EMD: variants seen among roughly 807,000 people sequenced by gnomAD.
EMD encodes the protein LEM domain containing 5.
EMD carries 2 observed loss-of-function variants against 15.2 expected under a neutral mutation model. That is an observed-to-expected ratio of 0.13 (90% CI 0.05 to 0.41). The LOEUF (loss-of-function observed/expected upper bound fraction) is 0.41, where lower values mean the gene tolerates loss of function less well. Ranked by LOEUF, EMD falls within the 10% of genes least tolerant of loss-of-function variation. EMD has a pLI of 0.99. For missense variants in EMD, 224 were observed against 213.4 expected, an observed-to-expected ratio of 1.05 and a Z score of -0.31; for synonymous variants, 122 against 86.2, an observed-to-expected ratio of 1.42 and a Z score of -2.30.
intron 4 of EMD, 181 bp from the exon 5 acceptor site, chrX:154,380,572 G>A (rs911644494): frequency 3.6e-6 from 3 of 829,303 alleles, no homozygotes; most frequent in Admixed American, 2.7e-5. Flanking sequence ...TGGGGCATGA[G>A]CACAAGTGGC....
chrX:154,381,354 C>G lies in EMD; in HGVS notation c.*157C>G. On this transcript the variant is annotated 3_prime_UTR_variant, in exon 6 of 6. Transcript: ENST00000369842. ...TAGCCCAGAGTAGTGCTTGCTCCCC[C>G]TGCCTTGTCCCACCAGGGAGGCAGC... The G allele has an allele frequency of 2.9e-6, 2 of 680,712 alleles. No individual in the cohort carries two copies. The highest frequency in any genetic ancestry group is 3.0e-5 in the South Asian group (1 of 33,138). The allele number at this position is 680,712 out of a possible 1,213,427, so 56.1% of individuals were successfully genotyped here. A position where few individuals can be genotyped will look rare whatever the true frequency, so the allele number is the denominator to read the frequency against.
Position 154,380,377 on chromosome X carries a change from C to T in EMD, c.399+10C>T, listed in dbSNP as rs375654959. On this transcript the variant is annotated intron_variant, in intron 4 of 5. Transcript: ENST00000369842. ...CGCTTTCCATCACCAGGTGAGCTGGCTGGCAGGCGTCCTGTACTTGGGTAC... is the reference window on the plus strand; with the variant it reads ...CGCTTTCCATCACCAGGTGAGCTGGTTGGCAGGCGTCCTGTACTTGGGTAC... The T allele has an allele frequency of 1.1e-5, 13 of 1,209,918 alleles. No individual in the cohort carries two copies. Among genetic ancestry groups the T allele is most frequent in the Admixed American group, 2.2e-5 (1 of 45,945 alleles).
Position 154,380,773 on chromosome X carries a change from G to C in EMD, c.420G>C (p.Leu140Phe). The C allele has an allele frequency of 1.7e-6, 2 of 1,211,999 alleles. No individual in the cohort carries two copies. The highest frequency in any genetic ancestry group is 2.2e-6 in the Non-Finnish European group (2 of 895,577). ...TGCAGGTGCATGATGACGATCTTTT[G>C]TCTTCTTCTGAAGAGGAGTGCAAGG... Reference protein sequence around the residue: ...FHHQVHDDDLLSSSEEECKDR... With the variant: ...FHHQVHDDDLFSSSEEECKDR... The change falls in exon 5 of 6, where the codon TTG becomes TTC. Residue 140 changes from leucine to phenylalanine, a missense_variant. Leu to Phe is a conservative substitution (Grantham distance 22). Transcript: ENST00000369842.
intron 3 of EMD, 73 bp downstream of exon 3, chrX:154,380,092 C>T (rs2067878103): frequency 8.4e-7 from 1 of 1,186,895 alleles, no homozygotes; most frequent in African/African-American, 1.8e-5. Context: ...ACAGGGAGGA[C>T]CTGAGACCTC....
In EMD at chrX:154,379,322, GACA is replaced by G. The variant is rs1557182142; in HGVS notation, c.-160_-158del. The G allele has an allele frequency of 3.8e-6, 2 of 520,761 alleles. No homozygotes were observed. The highest frequency in any genetic ancestry group is 4.3e-5 in the East Asian group (1 of 23,229). 42.9% of individuals were successfully genotyped at this position (520,761 alleles called of 1,213,427 possible). The stretch of plus-strand genomic sequence containing the variant: ...CCTGCGGAGCCAGCGGCCGTGACGC[GACA>G]ACGATTCGGCTGTGACGCGACAACG... On this transcript the variant is annotated 5_prime_UTR_variant, in exon 1 of 6. Coordinates refer to ENST00000369842, the MANE Select transcript of EMD (RefSeq NM_000117.3).
chrX:154,379,454 C>T lies in EMD; in HGVS notation c.-31C>T. On this transcript the variant is annotated 5_prime_UTR_variant, in exon 1 of 6. Coordinates refer to ENST00000369842, the MANE Select transcript of EMD (RefSeq NM_000117.3). ...GCCGGTTTTGGTAGGCCCGGGCCGC[C>T]GCCAGGCCTCCGCCTGAGCCCGCAC... 8.6e-7 allele frequency: 1 copy of T among 1,161,013 alleles called. No individual in the cohort carries two copies. Among genetic ancestry groups the T allele is most frequent in the South Asian group, 1.9e-5 (1 of 52,479 alleles).
Position 154,381,211 on chromosome X carries a change from G to A in EMD, c.*14G>A. 8.3e-7 allele frequency: 1 copy of A among 1,204,470 alleles called. No individual in the cohort carries two copies. Among genetic ancestry groups the A allele is most frequent in the Non-Finnish European group, 1.1e-6 (1 of 892,507 alleles). ...AACCCCTTCTAGAGGGAGCCATGAG[G>A]GTCTGGGCTTCAGAGCTAGGTCTTT... On this transcript the variant is annotated 3_prime_UTR_variant, in exon 6 of 6. Coordinates refer to ENST00000369842, the MANE Select transcript of EMD (RefSeq NM_000117.3).
chrX:154,379,645 G>A lies in EMD; in HGVS notation c.83-45G>A, dbSNP rs369380333. ...GCGACCTCCCCGCTGCCCTCCCCGC[G>A]CGCCTTCCCCGGCCCGCGGCCCTGA... On this transcript the variant is annotated intron_variant, in intron 1 of 5. Transcript: ENST00000369842. The A allele has an allele frequency of 6.2e-5, 75 of 1,200,487 alleles. No individual in the cohort carries two copies. The African/African-American group carries it at 9.8e-4, about 16-fold the overall frequency.
At position 154,379,847 on chromosome X, in the gene EMD, G is replaced by C. The variant is rs2067876257; in HGVS notation, c.187+53G>C. 6 of 1,180,114 alleles carry C rather than the reference G, an allele frequency of 5.1e-6. No homozygotes were observed. The African/African-American group carries it at 8.7e-5, about 17-fold the overall frequency. On this transcript the variant is annotated intron_variant, in intron 2 of 5. Coordinates refer to ENST00000369842, the MANE Select transcript of EMD (RefSeq NM_000117.3). ...TGGGACGCGGGGAGGATGGGGTCGC[G>C]AGGGTGTGGCAGGGGGGCCGGTCGA...
chrX:154,380,525 G>C, intron 4 of EMD, 158 bp downstream of exon 4: 1 of 952,487 alleles, frequency 1.0e-6, no homozygotes, highest in Non-Finnish European at 1.5e-6. Context: ...TCTAGGCTCA[G>C]ACTCTTCCTG....
At position 154,380,324 on chromosome X, in the gene EMD, A is replaced by G. The variant is rs1557182458; in HGVS notation, c.356A>G (p.Gln119Arg). 1 of 1,211,534 alleles carries G rather than the reference A, an allele frequency of 8.3e-7. No homozygotes were observed. Among genetic ancestry groups the G allele is most frequent in the Non-Finnish European group, 1.1e-6 (1 of 895,592 alleles). Residue 119 changes from glutamine to arginine, a missense_variant, in exon 4 of 6, where the codon CAG (glutamine) becomes CGG (arginine). Transcript: ENST00000369842. ...GCCGGCCCGTCCAGGGCTGTCCGCC[A>G]GTCAGTGACTTCATTCCCAGATGCT... is the stretch of plus-strand genomic sequence containing the variant. ...ESAGPSRAVR[Q>R]SVTSFPDADA...
intron 3 of EMD, 30 bp downstream of exon 3, chrX:154,380,049 C>T (rs1411516839): frequency 3.3e-6 from 4 of 1,198,417 alleles, no homozygotes; most frequent in African/African-American, 3.5e-5. Context: ...GGCACGCTGG[C>T]ACCTTCACCC....
chrX:154,379,840 G>A (rs1557182333), intron 2 of EMD, 46 bp downstream of exon 2: 4 of 1,174,781 alleles, frequency 3.4e-6, no homozygotes, highest in Non-Finnish European at 3.5e-6. Context: ...GGGGAGGATG[G>A]GGTCGCGAGG....
chrX:154,381,348 C>A lies in EMD; in HGVS notation c.*151C>A. On this transcript the variant is annotated 3_prime_UTR_variant, in exon 6 of 6. Coordinates refer to ENST00000369842, the MANE Select transcript of EMD (RefSeq NM_000117.3). ...TGGGCCTAGCCCAGAGTAGTGCTTG[C>A]TCCCCCTGCCTTGTCCCACCAGGGA... 2 of 715,368 alleles carry A rather than the reference C, an allele frequency of 2.8e-6. No individual in the cohort carries two copies. Among genetic ancestry groups the A allele is most frequent in the African/African-American group, 2.1e-5 (1 of 46,559 alleles). 59.0% of individuals were successfully genotyped at this position (715,368 alleles called of 1,213,427 possible). A position where few individuals can be genotyped will look rare whatever the true frequency, so the allele number is the denominator to read the frequency against.
chrX:154,380,138 A>G lies in EMD; in HGVS notation c.266-96A>G, dbSNP rs1051858234. 2.2e-4 allele frequency: 264 copies of G among 1,200,100 alleles called. No individual in the cohort carries two copies. The highest frequency in any genetic ancestry group is 2.1e-3 in the Admixed American group (94 of 45,610). Reference sequence around the variant, plus strand: ...ACTCCAGCAGCCTTAGGAGGGAGAAACTGTTACAGGTCCCGAAATGGGATT... The same window carrying G: ...ACTCCAGCAGCCTTAGGAGGGAGAAGCTGTTACAGGTCCCGAAATGGGATT... On this transcript the variant is annotated intron_variant, in intron 3 of 5. Coordinates refer to ENST00000369842, the MANE Select transcript of EMD (RefSeq NM_000117.3).
chrX:154,380,443 G>C (rs1300114398), intron 4 of EMD, 76 bp downstream of exon 4: 42 of 1,195,518 alleles, frequency 3.5e-5, no homozygotes, highest in Non-Finnish European at 4.8e-5. Flanking sequence ...AATCCAGGGG[G>C]GCACTGGGTA....
At chrX:154,380,721 G>C (rs887210962) in intron 4 of EMD, 32 bp from the exon 5 acceptor site, 5 of 1,210,588 alleles carry the variant, frequency 4.1e-6, no homozygotes, top group Non-Finnish European at 5.6e-6. Flanking sequence ...GGCCCTGCCA[G>C]CCAGTCCCCT....
rs781936763 is a variant in EMD, at chrX:154,379,755, C to T, written c.148C>T (p.Pro50Ser). The part of the protein sequence containing the change: ...EYETQRRRLS[P>S]PSSSAASSYS... ...CGAGACCCAGAGGCGGCGGCTCTCG[C>T]CCCCCAGCTCGTCCGCCGCCTCCTC... The change falls in exon 2 of 6, where the codon CCC becomes TCC. Residue 50 changes from proline to serine, a missense_variant. By Grantham distance (74) the Pro-to-Ser change is moderately conservative. Transcript: ENST00000369842. 5 of 1,204,367 alleles carry T rather than the reference C, an allele frequency of 4.2e-6. No individual in the cohort carries two copies. In the East Asian group the frequency reaches 1.2e-4, roughly 29 times the overall value.
chrX:154,380,574 A>G (rs1603365866), intron 4 of EMD, 179 bp from the exon 5 acceptor site: 1 of 832,089 alleles, frequency 1.2e-6, no homozygotes, highest in African/African-American at 2.0e-5. Context: ...GGGCATGAGC[A>G]CAAGTGGCAA....
Sources: allele counts gnomAD v4.1 joint callset, GRCh38; gene constraint gnomAD v4.1.1; transcripts MANE v1.5; gene names NCBI Gene and HGNC (gene_info 2026-07-23, HGNC 2026-07-21).